The following ABLIM1 variants were observed in gnomAD, a reference collection of about 807,000 sequenced individuals.
ABLIM1 encodes actin-binding LIM protein 1.
Under a neutral mutation model 107.0 loss-of-function variants are expected in ABLIM1, and 40 were observed. That is an observed-to-expected ratio of 0.37 (90% CI 0.29 to 0.49). The LOEUF (loss-of-function observed/expected upper bound fraction) is 0.49, where lower values mean the gene tolerates loss of function less well. Ranked by LOEUF, ABLIM1 falls within the 20% of genes least tolerant of loss-of-function variation. The pLI, the probability that ABLIM1 is intolerant of heterozygous loss-of-function variation, is 0.97. For synonymous variants in ABLIM1, 357 were observed against 357.3 expected (o/e 1.00, Z 0.01); for missense variants, 857 against 1,008.5 (o/e 0.85, Z 2.04).
intron 12 of ABLIM1, among the ~76,000 whole-genome samples, chr10:114,459,086 C>A (rs748747578): frequency 6.6e-6 from 1 of 152,232 alleles, no homozygotes; most frequent in Non-Finnish European, 1.5e-5. Flanking sequence ...CTCAGTGAGG[C>A]CCCAGGCCTG....
chr10:114,765,153 T>G (rs1222731410), intron 1 of ABLIM1, among the ~76,000 whole-genome samples: 2 of 152,046 alleles, frequency 1.3e-5, no homozygotes, highest in Admixed American at 1.3e-4. Context: ...TTCAAGCTAT[T>G]CTCCTGCCTC....
Position 114,441,049 on chromosome 10 carries a change from T to A in ABLIM1, c.2027A>T (p.Asn676Ile). Residue 676 changes from asparagine to isoleucine, a missense_variant, in exon 19 of 23, where the codon AAC becomes ATC. Coordinates refer to ENST00000533213, the MANE Select transcript of ABLIM1 (RefSeq NM_002313.7). ...TCCCCCGCTGACATCCCCATAGCTG[T>A]TATACTGAGCGAAGTCGGTAGAAAC... ...RPVSTDFAQY[N>I]SYGDVSGGVR... is the part of the protein sequence containing the mutation. The A allele has an allele frequency of 6.3e-7, 1 of 1,589,700 alleles. No homozygotes were observed.
intron 8 of ABLIM1, among the ~76,000 whole-genome samples, chr10:114,478,727 T>C (rs918234503): frequency 6.6e-6 from 1 of 152,234 alleles, no homozygotes; most frequent in African/African-American, 2.4e-5. Flanking sequence ...GGCAGTTCTT[T>C]ATAGCAGCGT....
rs1469760409 is a variant in ABLIM1 at position 114,575,265 on chromosome 10, T to A, written c.563+151A>T. 4 of 832,434 alleles carry A rather than the reference T, an allele frequency of 4.8e-6. No homozygotes were observed. In the African/African-American group the frequency reaches 6.9e-5, roughly 14 times the overall value. 51.6% of individuals were successfully genotyped at this position (832,434 alleles called of 1,614,324 possible). Reference sequence around the variant, plus strand: ...CAGTTTCCAACTAATCTACTTTTTTTACTAGGACTGATAGTACAGTAAGAA... The same window carrying A: ...CAGTTTCCAACTAATCTACTTTTTTAACTAGGACTGATAGTACAGTAAGAA... On this transcript the variant is annotated intron_variant, in intron 3 of 22. Transcript: ENST00000533213.
chr10:114,586,903 A>G (rs1313445739), intron 2 of ABLIM1, among the ~76,000 whole-genome samples: 1 of 152,254 alleles, frequency 6.6e-6, no homozygotes, highest in African/African-American at 2.4e-5. Flanking sequence ...CTTATACGTT[A>G]GGAATTAGAT....
chr10:114,791,365 G>A, the ABLIM1 span, among the ~76,000 whole-genome samples: 56 of 151,898 alleles, frequency 3.7e-4, no homozygotes, highest in African/African-American at 1.1e-3. Context: ...ATGGCAGGGC[G>A]CGGTGGCTCA....
the ABLIM1 span, among the ~76,000 whole-genome samples, chr10:114,780,091 C>T: frequency 4.6e-5 from 7 of 152,064 alleles, no homozygotes; most frequent in African/African-American, 1.7e-4. Flanking sequence ...GAAATCAACT[C>T]TCTATAAAAG....
the ABLIM1 span, among the ~76,000 whole-genome samples, chr10:114,796,922 C>T: frequency 6.6e-6 from 1 of 152,168 alleles, no homozygotes; most frequent in African/African-American, 2.4e-5. Flanking sequence ...TCATGGGTGA[C>T]CCATCCCAAA....
rs1320482147 is a variant in ABLIM1, at chr10:114,453,551, T to G, written c.1442-68A>C. ...AGAGAAACAAAGAAAACAAAGCAAGTGTAATAAAAATTCAAAACAACAGAC... is the reference window on the plus strand; with the variant it reads ...AGAGAAACAAAGAAAACAAAGCAAGGGTAATAAAAATTCAAAACAACAGAC... On this transcript the variant is annotated intron_variant, in intron 12 of 22. Transcript: ENST00000533213. The G allele has an allele frequency of 8.5e-5, 114 of 1,339,050 alleles. 4 individuals are homozygous for G. The South Asian group carries it at 1.7e-3, about 20-fold the overall frequency. 82.9% of individuals were successfully genotyped at this position (1,339,050 alleles called of 1,614,324 possible). A position where few individuals can be genotyped will look rare whatever the true frequency, so the allele number is the denominator to read the frequency against.
chr10:114,718,102 A>AGGAATGAAGGAAGG (rs1169165111), intron 1 of ABLIM1, among the ~76,000 whole-genome samples: 3 of 86,064 alleles, frequency 3.5e-5, no homozygotes, highest in South Asian at 7.8e-4. Context: ...AGGAAAAGAA[A>AGGAATGAAGGAAGG]AAGAAAAAGA....
intron 1 of ABLIM1, among the ~76,000 whole-genome samples, chr10:114,638,617 C>T (rs1010882213): frequency 2.1e-5 from 3 of 146,030 alleles, no homozygotes; most frequent in African/African-American, 7.6e-5. Context: ...GTCCCATGCC[C>T]TGCCTACACA....
chr10:114,519,417 CT>C (rs1179791549), intron 6 of ABLIM1, among the ~76,000 whole-genome samples: 1 of 152,136 alleles, frequency 6.6e-6, no homozygotes, highest in Admixed American at 6.5e-5. Flanking sequence ...AGGTTGCAGC[CT>C]TTTTTCCCCG....
chr10:114,717,221 T>C (rs1359384363), intron 1 of ABLIM1, among the ~76,000 whole-genome samples: 1 of 152,216 alleles, frequency 6.6e-6, no homozygotes, highest in Non-Finnish European at 1.5e-5. Flanking sequence ...TCTTTGCTTC[T>C]ACTCGTGGGA....
At chr10:114,584,092 G>A (rs1262670316) in intron 2 of ABLIM1, among the ~76,000 whole-genome samples, 2 of 151,464 alleles carry the variant, frequency 1.3e-5, no homozygotes, top group African/African-American at 4.9e-5. Flanking sequence ...TAGCAAACCT[G>A]CACATGTACC....
intron 1 of ABLIM1, among the ~76,000 whole-genome samples, chr10:114,641,896 G>A (rs1193847973): frequency 6.6e-6 from 1 of 151,910 alleles, no homozygotes. Context: ...GTTTTGTTTT[G>A]TTTTGAGACA....
In ABLIM1 at chr10:114,434,330, C is replaced by CAG. The variant is rs59678354; in HGVS notation, c.*1929_*1930insCT. On this transcript the variant is annotated 3_prime_UTR_variant, in exon 23 of 23. Coordinates refer to ENST00000533213, the MANE Select transcript of ABLIM1 (RefSeq NM_002313.7). ...ACACACACACACACACACACACACA[C>CAG]GAGAGTAGTCCTCATTCAGTGCATA... The CAG allele has an allele frequency of 6.8e-6, 1 of 146,272 alleles. No homozygotes were observed. Among genetic ancestry groups the CAG allele is most frequent in the Admixed American group, 7.0e-5 (1 of 14,356 alleles). 9.1% of individuals were successfully genotyped at this position (146,272 alleles called of 1,614,324 possible). A position where few individuals can be genotyped will look rare whatever the true frequency, so the allele number is the denominator to read the frequency against.
chr10:114,736,283 G>A (rs1195619721), intron 1 of ABLIM1, among the ~76,000 whole-genome samples: 1 of 152,106 alleles, frequency 6.6e-6, no homozygotes, highest in Non-Finnish European at 1.5e-5. Context: ...ATTAAGCAAA[G>A]ACCTCATAAA....
At chr10:114,708,369 CCTT>C (rs986798756) in intron 1 of ABLIM1, among the ~76,000 whole-genome samples, 1 of 152,208 alleles carries the variant, frequency 6.6e-6, no homozygotes, top group Non-Finnish European at 1.5e-5. Flanking sequence ...TCTCCAGGCT[CCTT>C]CTGCCACAGA....
chr10:114,726,695 T>A (rs1298479522), intron 1 of ABLIM1, among the ~76,000 whole-genome samples: 2 of 151,952 alleles, frequency 1.3e-5, no homozygotes, highest in Admixed American at 6.5e-5. Context: ...GGCAGGAGAA[T>A]CCCTTGAACT....
Sources: allele counts gnomAD v4.1 joint callset (sites outside exome capture counted in the v4.1 genomes callset), GRCh38; gene constraint gnomAD v4.1.1; transcripts MANE v1.5; gene names NCBI Gene and HGNC (gene_info 2026-07-23, HGNC 2026-07-21).